Variants in FBXO25 observed in about 807,000 individuals in gnomAD.
FBXO25 encodes F-box protein 25, also known as F-box only protein 25.
Under a neutral mutation model 51.9 loss-of-function variants are expected in FBXO25, and 45 were observed. That is an observed-to-expected ratio of 0.87 (90% CI 0.68 to 1.11). The LOEUF is 1.11. Among genes scored for constraint, FBXO25 ranks in the 50% most tolerant of loss-of-function variants. The pLI is 0.00. For synonymous variants in FBXO25, 199 were observed against 151.0 expected, an observed-to-expected ratio of 1.32 and a Z score of -2.33; for missense variants, 507 against 428.5, an observed-to-expected ratio of 1.18 and a Z score of -1.62.
intron 3 of FBXO25, among the ~76,000 whole-genome samples, chr8:431,741 G>T (rs1353571672): frequency 6.6e-6 from 1 of 152,220 alleles, no homozygotes; most frequent in Non-Finnish European, 1.5e-5. Flanking sequence ...CAAACTGAGA[G>T]GTGTCCTGAC....
In FBXO25 at chr8:472,547, G is replaced by C. The variant is rs1462346112; in HGVS notation, c.*3743G>C. 8.1e-6 allele frequency: 1 copy of C among 123,538 alleles called. No homozygotes were observed. The highest frequency in any genetic ancestry group is 3.1e-5 in the African/African-American group (1 of 31,788). The allele number at this position is 123,538 out of a possible 1,614,324, so 7.7% of individuals were successfully genotyped here. A position where few individuals can be genotyped will look rare whatever the true frequency, so the allele number is the denominator to read the frequency against. On this transcript the variant is annotated 3_prime_UTR_variant, in exon 10 of 10. Transcript: ENST00000350302. ...GCCACCCACCACCTTGTGATCTCTT[G>C]GGTTTTGGTGTCCATCTCATAGGAT... is the stretch of plus-strand genomic sequence containing the variant.
chr8:433,992 G>T lies in FBXO25; in HGVS notation c.288+1057G>T, dbSNP rs558213193. ...TGAAAGACCATTAAATATTTCATCT[G>T]CTCTGTTGCCATACTGATTACAGAA... On this transcript the variant is annotated intron_variant, in intron 4 of 9. Transcript: ENST00000350302. Among the ~76,000 whole-genome samples the T allele has an allele frequency of 2.0e-5, 3 of 152,302 alleles. No homozygotes were observed. In the South Asian group the frequency reaches 6.2e-4, roughly 32 times the overall value.
At chr8:433,928 A>T (rs1797959752) in intron 4 of FBXO25, among the ~76,000 whole-genome samples, 1 of 152,208 alleles carries the variant, frequency 6.6e-6, no homozygotes, top group Non-Finnish European at 1.5e-5. Flanking sequence ...TATTTGACAG[A>T]ATCTAACCTA....
At chr8:468,265 G>T (rs1221836923) in intron 9 of FBXO25, 4 of 1,012,952 alleles carry the variant, frequency 3.9e-6, no homozygotes, top group Middle Eastern at 4.9e-4. Flanking sequence ...CCTATGCAGG[G>T]AGCCCAAGCT....
At chr8:410,693 C>T (rs1796436549) in intron 1 of FBXO25, among the ~76,000 whole-genome samples, 1 of 152,090 alleles carries the variant, frequency 6.6e-6, no homozygotes, top group Non-Finnish European at 1.5e-5. Flanking sequence ...TTGAGTTTTG[C>T]ATTTTAGGAT....
At chr8:466,745 A>T (rs1800183611) in intron 9 of FBXO25, among the ~76,000 whole-genome samples, 1 of 152,060 alleles carries the variant, frequency 6.6e-6, no homozygotes, top group South Asian at 2.1e-4. Context: ...GCTCTACTAT[A>T]TTGGAGTTCT....
intron 3 of FBXO25, among the ~76,000 whole-genome samples, chr8:432,068 T>A (rs1473631734): frequency 2.0e-5 from 3 of 152,126 alleles, no homozygotes; most frequent in Admixed American, 6.6e-5. Flanking sequence ...AGTAAGAGAT[T>A]AACGAGAATA....
intron 9 of FBXO25, among the ~76,000 whole-genome samples, chr8:465,907 T>C (rs1800125096): frequency 6.6e-6 from 1 of 152,206 alleles, no homozygotes; most frequent in Non-Finnish European, 1.5e-5. Flanking sequence ...GAATTTGCTT[T>C]GCCATTCTTG....
chr8:469,093 G>A lies in FBXO25; in HGVS notation c.*289G>A. The A allele has an allele frequency of 3.3e-6, 1 of 300,644 alleles. No individual in the cohort carries two copies. Among genetic ancestry groups the A allele is most frequent in the Non-Finnish European group, 6.1e-6 (1 of 165,288 alleles). 18.6% of individuals were successfully genotyped at this position (300,644 alleles called of 1,614,324 possible). A position where few individuals can be genotyped will look rare whatever the true frequency, so the allele number is the denominator to read the frequency against. ...ATATATATAGTTCAAAAATACTTTA[G>A]GTGGTCAGCTCCACATTCTTTGTTG... On this transcript the variant is annotated 3_prime_UTR_variant, in exon 10 of 10. Transcript: ENST00000350302.
At chr8:456,194 C>T (rs559753429) in intron 7 of FBXO25, among the ~76,000 whole-genome samples, 5 of 152,224 alleles carry the variant, frequency 3.3e-5, no homozygotes, top group South Asian at 2.1e-4. Flanking sequence ...TTTACTTGCA[C>T]GTTATCTTTT....
At chr8:465,767 T>C (rs1023575898) in intron 9 of FBXO25, among the ~76,000 whole-genome samples, 4 of 152,206 alleles carry the variant, frequency 2.6e-5, no homozygotes, top group African/African-American at 9.6e-5. Flanking sequence ...GCTCAAAAGT[T>C]TGGGATTTTG....
At chr8:467,773 T>C (rs191346011) in intron 9 of FBXO25, 54 of 1,613,132 alleles carry the variant, frequency 3.3e-5, no homozygotes, top group Admixed American at 8.3e-5. Flanking sequence ...CCACACATCC[T>C]GTGTTCGGGA....
Position 474,466 on chromosome 8 carries a change from C to A in FBXO25, c.*5662C>A, listed in dbSNP as rs12674503. ...CAATCCTATGTTTAATTTCTTAGGG[C>A]ACTGCCATAAGTGTTTTACACGGTG... On this transcript the variant is annotated 3_prime_UTR_variant, in exon 10 of 10. Coordinates refer to ENST00000350302, the MANE Select transcript of FBXO25 (RefSeq NM_183420.2). 0.29 allele frequency: 89,712 copies of A among 306,986 alleles called. 14,356 individuals carry two copies. Among genetic ancestry groups the A allele is most frequent in the African/African-American group, 0.45 (20,065 of 44,532 alleles). The allele number at this position is 306,986 out of a possible 1,614,324, so 19.0% of individuals were successfully genotyped here. A position where few individuals can be genotyped will look rare whatever the true frequency, so the allele number is the denominator to read the frequency against.
intron 9 of FBXO25, among the ~76,000 whole-genome samples, chr8:463,757 CTG>C (rs1281719684): frequency 1.8e-4 from 27 of 151,986 alleles, no homozygotes; most frequent in South Asian, 1.7e-3. Flanking sequence ...ACCATCCAGA[CTG>C]TGTGTCTAAA....
chr8:424,216 G>A (rs1482910654), intron 2 of FBXO25, among the ~76,000 whole-genome samples: 1 of 151,358 alleles, frequency 6.6e-6, no homozygotes, highest in Non-Finnish European at 1.5e-5. Flanking sequence ...TTTTTTAATG[G>A]GGTTGTTTGT....
intron 2 of FBXO25, among the ~76,000 whole-genome samples, chr8:413,858 C>T (rs971549869): frequency 6.6e-6 from 1 of 152,284 alleles, no homozygotes; most frequent in African/African-American, 2.4e-5. Context: ...GTGGCCCAGC[C>T]ATGTGTCCAG....
At chr8:442,560 C>G (rs900774977) in intron 5 of FBXO25, among the ~76,000 whole-genome samples, 7 of 152,132 alleles carry the variant, frequency 4.6e-5, no homozygotes, top group South Asian at 4.1e-4. Flanking sequence ...ACTTCCGCCC[C>G]CCGGGTTCAA....
chr8:423,748 G>C (rs1797298470), intron 2 of FBXO25, among the ~76,000 whole-genome samples: 1 of 152,174 alleles, frequency 6.6e-6, no homozygotes, highest in Non-Finnish European at 1.5e-5. Context: ...GTGCAGCGAT[G>C]AACATAGGAG....
rs547060082 is a variant in FBXO25 at position 458,514 on chromosome 8, GGAA to G, written c.811_813del (p.Lys271del). ...ATGCTTAGTGAAGACAGACAGCTGT[GGAA>G]GAAGCTTTGTCAGTACCATTTTGCT... On this transcript the variant is annotated inframe_deletion, in exon 8 of 10. Coordinates refer to ENST00000350302, the MANE Select transcript of FBXO25 (RefSeq NM_183420.2). 1.9e-6 allele frequency: 3 copies of G among 1,614,168 alleles called. No homozygotes were observed. The highest frequency in any genetic ancestry group is 2.5e-6 in the Non-Finnish European group (3 of 1,180,030).
Sources: gnomAD v4.1 joint callset for allele counts (sites outside exome capture counted in the v4.1 genomes callset) on GRCh38, gnomAD v4.1.1 for gene constraint, MANE v1.5 for transcripts, NCBI Gene and HGNC (gene_info 2026-07-23, HGNC 2026-07-21) for gene names.